The following FRMPD4 variants were observed in gnomAD, a reference collection of about 807,000 sequenced individuals.
FRMPD4 encodes FERM and PDZ domain containing 4.
In FRMPD4, 22 loss-of-function variants were observed where a neutral mutation model predicts 94.1. The ratio of observed to expected loss-of-function variants is 0.23; its 90% confidence interval spans 0.17 to 0.33. The LOEUF (loss-of-function observed/expected upper bound fraction) is 0.33. Ranked by LOEUF, FRMPD4 falls within the 10% of genes least tolerant of loss-of-function variation. The probability of loss-of-function intolerance (pLI) is 1.00; values close to 1 mark genes in which losing one functional copy is unlikely to be tolerated. For missense variants in FRMPD4, 1,111 were observed against 1,339.9 expected (o/e 0.83, Z 2.67); for synonymous variants, 631 against 548.6 (o/e 1.15, Z -2.10).
chrX:12,703,181 T>A (rs1164305004), intron 10 of FRMPD4, among the ~76,000 whole-genome samples: 1 of 112,814 alleles, frequency 8.9e-6, no homozygotes, highest in Non-Finnish European at 1.9e-5. Context: ...CCAACAAATA[T>A]TCATTGAGCA....
intron 1 of FRMPD4, among the ~76,000 whole-genome samples, chrX:12,389,299 C>T (rs2056443868): frequency 9.1e-6 from 1 of 109,624 alleles, no homozygotes; most frequent in African/African-American, 3.3e-5. Flanking sequence ...CATGGGGAAA[C>T]CCTGTCTCTA....
intron 1 of FRMPD4, among the ~76,000 whole-genome samples, chrX:12,311,432 C>T (rs928066335): frequency 3.6e-5 from 4 of 112,058 alleles, no homozygotes; most frequent in Admixed American, 2.8e-4. Context: ...ATGAATTTTG[C>T]TTGATACGGT....
rs145929236 is a variant in FRMPD4 at position 12,275,794 on chromosome X, G to A, written c.41+136782G>A. Among the ~76,000 whole-genome samples the A allele has an allele frequency of 4.7e-3, 520 of 110,944 alleles. 2 individuals are homozygous for A. The highest frequency in any genetic ancestry group is 0.016 in the African/African-American group (497 of 30,484). ...GAAGAATTTTGAGTTGGGAGTGACC[G>A]GACCTTTGAGGAAGCTCAATGGACA... On this transcript the variant is annotated intron_variant, in intron 1 of 16. Transcript: ENST00000675598.
intron 1 of FRMPD4, among the ~76,000 whole-genome samples, chrX:12,193,639 G>A (rs1022110413): frequency 1.9e-5 from 2 of 104,444 alleles, no homozygotes; most frequent in African/African-American, 7.0e-5. Flanking sequence ...ATCAAAGTTT[G>A]TATAAATAAT....
chrX:12,152,530 T>A (rs1346179946), intron 1 of FRMPD4, among the ~76,000 whole-genome samples: 1 of 111,531 alleles, frequency 9.0e-6, no homozygotes, highest in Non-Finnish European at 1.9e-5. Context: ...TGGGTAAATA[T>A]GATTTCCTAA....
At chrX:12,107,659 A>C (rs749982613) in intron 3 of FRMPD4, among the ~76,000 whole-genome samples, 2 of 111,836 alleles carry the variant, frequency 1.8e-5, no homozygotes, top group South Asian at 7.5e-4. Context: ...CATCACAAAG[A>C]AGATGAAACC....
intron 3 of FRMPD4, among the ~76,000 whole-genome samples, chrX:12,111,359 C>T (rs947149414): frequency 3.6e-5 from 4 of 111,820 alleles, no homozygotes; most frequent in African/African-American, 1.3e-4. Context: ...GGAAAACTGG[C>T]TAGCCACATG....
chrX:12,029,612 C>T (rs1447636934), intron 3 of FRMPD4, among the ~76,000 whole-genome samples: 1 of 111,771 alleles, frequency 8.9e-6, no homozygotes, highest in Non-Finnish European at 1.9e-5. Flanking sequence ...TTTACATTTA[C>T]GTCTGTGATC....
intron 1 of FRMPD4, among the ~76,000 whole-genome samples, chrX:12,474,838 A>G (rs2057571921): frequency 1.8e-5 from 2 of 111,396 alleles, no homozygotes; most frequent in African/African-American, 6.5e-5. Flanking sequence ...CAACCAAAAA[A>G]AGTCCAGGAC....
At chrX:11,922,658 G>A (rs371022982) in intron 3 of FRMPD4, among the ~76,000 whole-genome samples, 1 of 112,129 alleles carries the variant, frequency 8.9e-6, no homozygotes, top group African/African-American at 3.2e-5. Flanking sequence ...CAGAAGGAGG[G>A]GACCCCTTGA....
chrX:12,608,772 C>A (rs1290405368), intron 2 of FRMPD4, among the ~76,000 whole-genome samples: 2 of 112,410 alleles, frequency 1.8e-5, no homozygotes, highest in East Asian at 5.5e-4. Context: ...GTTCTAGGCA[C>A]CTGAGATAAA....
At chrX:12,164,962 T>C (rs1161625782) in intron 1 of FRMPD4, among the ~76,000 whole-genome samples, 1 of 112,198 alleles carries the variant, frequency 8.9e-6, no homozygotes, top group Non-Finnish European at 1.9e-5. Context: ...CTTTGTCAGA[T>C]GAGTAGGTTG....
chrX:12,340,610 A>G (rs1171609524), intron 1 of FRMPD4, among the ~76,000 whole-genome samples: 1 of 111,899 alleles, frequency 8.9e-6, no homozygotes, highest in Admixed American at 9.4e-5. Flanking sequence ...CCCCTACCTT[A>G]GTAAGGCAAG....
intron 1 of FRMPD4, among the ~76,000 whole-genome samples, chrX:12,349,061 G>T (rs918240672): frequency 9.0e-6 from 1 of 111,482 alleles, no homozygotes; most frequent in Admixed American, 9.5e-5. Flanking sequence ...GGGCCTGAAA[G>T]AGTAGGCTTT....
intron 4 of FRMPD4, among the ~76,000 whole-genome samples, chrX:12,626,450 G>T (rs1194336549): frequency 9.3e-6 from 1 of 107,475 alleles, no homozygotes; most frequent in Non-Finnish European, 1.9e-5. Flanking sequence ...CATATTAAAA[G>T]GAGAGCCAAT....
At chrX:12,525,201 C>A (rs985036700) in intron 2 of FRMPD4, among the ~76,000 whole-genome samples, 9 of 111,046 alleles carry the variant, frequency 8.1e-5, no homozygotes, top group African/African-American at 2.9e-4. Flanking sequence ...CCAAAGACTA[C>A]CCCATCCCCC....
intron 1 of FRMPD4, among the ~76,000 whole-genome samples, chrX:12,266,160 A>AAAAAAAAAAAAAAAAAAG (rs1569211566): frequency 1.9e-5 from 2 of 103,779 alleles, no homozygotes; most frequent in African/African-American, 7.5e-5. Context: ...AAAAAAAAAA[A>AAAAAAAAAAAAAAAAAAG]AGAGAAAACA....
At chrX:12,353,801 G>A (rs967240269) in intron 1 of FRMPD4, among the ~76,000 whole-genome samples, 9 of 112,130 alleles carry the variant, frequency 8.0e-5, no homozygotes, top group Non-Finnish European at 1.7e-4. Context: ...CTTTGTGACA[G>A]AACATTACAA....
At chrX:12,211,444 T>C (rs2056754495) in intron 1 of FRMPD4, among the ~76,000 whole-genome samples, 1 of 112,447 alleles carries the variant, frequency 8.9e-6, no homozygotes, top group African/African-American at 3.2e-5. Flanking sequence ...TTAGAGTAAG[T>C]TGGCTTCTAT....
Sources: gnomAD v4.1 joint callset for allele counts (sites outside exome capture counted in the v4.1 genomes callset) on GRCh38, gnomAD v4.1.1 for gene constraint, MANE v1.5 for transcripts, NCBI Gene and HGNC (gene_info 2026-07-23, HGNC 2026-07-21) for gene names.